Variants in DTNA observed in about 807,000 individuals in gnomAD.
DTNA encodes dystrophin-related protein 3.
DTNA carries 43 observed loss-of-function variants against 100.7 expected under a neutral mutation model. The observed-to-expected ratio is 0.43, with a 90% CI of 0.33 to 0.55. DTNA has a LOEUF of 0.55. DTNA is among the 20% of genes least tolerant of loss of function. The pLI, the probability that DTNA is intolerant of heterozygous loss-of-function variation, is 0.04. For synonymous variants in DTNA, 349 were observed against 347.9 expected (o/e 1.00, Z -0.04); for missense variants, 798 against 953.9 (o/e 0.84, Z 2.15).
chr18:34,886,679 G>A (rs1298182673), intron 22 of DTNA, among the ~76,000 whole-genome samples: 1 of 152,102 alleles, frequency 6.6e-6, no homozygotes, highest in Non-Finnish European at 1.5e-5. Flanking sequence ...TTGCAAATTT[G>A]GCAGTGAAAA....
chr18:34,741,409 G>A (rs974064654), intron 1 of DTNA, among the ~76,000 whole-genome samples: 12 of 152,126 alleles, frequency 7.9e-5, no homozygotes, highest in Non-Finnish European at 1.6e-4. Context: ...AATAATCTTT[G>A]CTATATTTAC....
At chr18:34,628,482 A>G (rs774665002) in intron 1 of DTNA, among the ~76,000 whole-genome samples, 16 of 152,220 alleles carry the variant, frequency 1.1e-4, no homozygotes, top group Non-Finnish European at 2.4e-4. Flanking sequence ...AAAGACTCAT[A>G]TCCCTTGGCC....
chr18:34,586,142 AC>A lies in DTNA; in HGVS notation c.-2+92629del, dbSNP rs2049113292. 3.3e-5 allele frequency among the ~76,000 whole-genome samples: 5 copies of A among 152,216 alleles called. No homozygotes were observed. In the South Asian group the frequency reaches 1.0e-3, roughly 32 times the overall value. Reference sequence around the variant, plus strand: ...CTTTGAAGAAAAGGTTCCATAGAAAACAACAGCAAGTTTGAAAAACACTGAT... The same window carrying A: ...CTTTGAAGAAAAGGTTCCATAGAAAAAACAGCAAGTTTGAAAAACACTGAT... On this transcript the variant is annotated intron_variant, in intron 1 of 19. Transcript: ENST00000283365.
At chr18:34,667,564 C>A (rs1279602037) in intron 1 of DTNA, among the ~76,000 whole-genome samples, 1 of 152,170 alleles carries the variant, frequency 6.6e-6, no homozygotes, top group African/African-American at 2.4e-5. Context: ...GTGGGTTTGT[C>A]ATAAATAGCT....
At chr18:34,855,506 C>G (rs2096542078) in intron 15 of DTNA, among the ~76,000 whole-genome samples, 1 of 152,250 alleles carries the variant, frequency 6.6e-6, no homozygotes, top group South Asian at 2.1e-4. Context: ...CATTTCTGAA[C>G]TTTCCATTAG....
intron 1 of DTNA, among the ~76,000 whole-genome samples, chr18:34,588,714 A>T (rs1347393908): frequency 7.8e-6 from 1 of 128,648 alleles, no homozygotes; most frequent in Non-Finnish European, 1.7e-5. Flanking sequence ...TGTGTAGATT[A>T]TGAAGGTAAA....
intron 1 of DTNA, among the ~76,000 whole-genome samples, chr18:34,659,783 C>T (rs543777033): frequency 1.1e-4 from 16 of 152,278 alleles, no homozygotes; most frequent in South Asian, 4.1e-4. Context: ...GCGCATTAAC[C>T]GGTGACCGTA....
chr18:34,811,080 C>T (rs1158390182), intron 5 of DTNA, among the ~76,000 whole-genome samples: 1 of 152,202 alleles, frequency 6.6e-6, no homozygotes, highest in Non-Finnish European at 1.5e-5. Context: ...TTTATCCCAG[C>T]AGCTGTGCTG....
At chr18:34,777,660 A>G (rs193228162) in intron 3 of DTNA, among the ~76,000 whole-genome samples, 1 of 152,328 alleles carries the variant, frequency 6.6e-6, no homozygotes, top group Admixed American at 6.5e-5. Flanking sequence ...CTTCTTCACA[A>G]GGCAGCAGGA....
chr18:34,649,479 G>A (rs192124787), intron 1 of DTNA, among the ~76,000 whole-genome samples: 2 of 152,274 alleles, frequency 1.3e-5, no homozygotes, highest in East Asian at 1.9e-4. Context: ...TCTGGCAATA[G>A]CATTTACATG....
chr18:34,718,260 T>C (rs760303939), intron 1 of DTNA, among the ~76,000 whole-genome samples: 1 of 152,290 alleles, frequency 6.6e-6, no homozygotes. Context: ...ACAATTTTGT[T>C]TGGGGATGTA....
At chr18:34,515,268 C>T (rs1183372498) in intron 1 of DTNA, among the ~76,000 whole-genome samples, 1 of 151,946 alleles carries the variant, frequency 6.6e-6, no homozygotes, top group Non-Finnish European at 1.5e-5. Flanking sequence ...AGAAAAAACT[C>T]CCTTAATTTT....
rs115446954 is a variant in DTNA at position 34,621,739 on chromosome 18, C to G, written c.-2+128225C>G. ...TAGAAAGGAGGAATAAGTTCAAGAA[C>G]TCTATTGTACAACATAGTGACTATA... On this transcript the variant is annotated intron_variant, in intron 1 of 19. Coordinates refer to the DTNA transcript ENST00000283365. 7.4e-3 allele frequency among the ~76,000 whole-genome samples: 1,122 copies of G among 152,222 alleles called. 17 individuals carry two copies. Among genetic ancestry groups the G allele is most frequent in the African/African-American group, 0.026 (1,083 of 41,552 alleles).
At chr18:34,603,783 CTT>C (rs1291797010) in intron 1 of DTNA, among the ~76,000 whole-genome samples, 1 of 152,114 alleles carries the variant, frequency 6.6e-6, no homozygotes, top group African/African-American at 2.4e-5. Flanking sequence ...ATTTATTAGA[CTT>C]ATTATTTCTT....
intron 17 of DTNA, 87 bp downstream of exon 17, chr18:34,864,149 A>G (rs1159181505): frequency 8.3e-6 from 10 of 1,201,036 alleles, no homozygotes; most frequent in South Asian, 1.3e-5. Flanking sequence ...GGTTTTTCCA[A>G]TTGCTGTATG....
At chr18:34,569,399 A>G (rs969973639) in intron 1 of DTNA, among the ~76,000 whole-genome samples, 2 of 152,148 alleles carry the variant, frequency 1.3e-5, no homozygotes, top group African/African-American at 4.8e-5. Flanking sequence ...GTGAACCAAT[A>G]AAGATAAGGG....
intron 1 of DTNA, among the ~76,000 whole-genome samples, chr18:34,723,249 G>A (rs1336399356): frequency 1.3e-5 from 2 of 152,164 alleles, no homozygotes; most frequent in Non-Finnish European, 2.9e-5. Context: ...ATAAGAACTT[G>A]CCATAAGCAA....
At chr18:34,640,346 A>G (rs1358921751) in intron 1 of DTNA, among the ~76,000 whole-genome samples, 2 of 152,080 alleles carry the variant, frequency 1.3e-5, no homozygotes, top group Non-Finnish European at 2.9e-5. Context: ...TAGATTAACA[A>G]TTCTCCCTCA....
intron 1 of DTNA, among the ~76,000 whole-genome samples, chr18:34,592,814 A>G (rs763460774): frequency 6.6e-6 from 1 of 152,212 alleles, no homozygotes; most frequent in Non-Finnish European, 1.5e-5. Context: ...CATCCTCTGT[A>G]AAATTACATG....
Sources: allele counts gnomAD v4.1 joint callset (sites outside exome capture counted in the v4.1 genomes callset), GRCh38; gene constraint gnomAD v4.1.1; transcripts MANE v1.5; gene names NCBI Gene and HGNC (gene_info 2026-07-23, HGNC 2026-07-21).